The following MBNL2 variants were observed in gnomAD, a reference collection of about 807,000 sequenced individuals.
MBNL2 encodes muscleblind like splicing regulator 2.
Under a neutral mutation model 41.9 loss-of-function variants are expected in MBNL2, and 17 were observed. The observed-to-expected ratio is 0.41, with a 90% CI of 0.28 to 0.61. MBNL2 has a LOEUF of 0.61. Ranked by LOEUF, MBNL2 falls within the 20% of genes least tolerant of loss-of-function variation. MBNL2 has a pLI of 0.35. For missense variants in MBNL2, 336 were observed against 505.6 expected (o/e 0.66, Z 3.22); for synonymous variants, 195 against 182.9 (o/e 1.07, Z -0.53).
intron 2 of MBNL2, among the ~76,000 whole-genome samples, chr13:97,290,633 G>A (rs1003636896): frequency 4.0e-5 from 6 of 148,728 alleles, no homozygotes; most frequent in African/African-American, 1.0e-4. Context: ...CCGAGATTGC[G>A]CCACTGCAGT....
intron 1 of MBNL2, among the ~76,000 whole-genome samples, chr13:97,255,380 G>A (rs1475786086): frequency 6.6e-6 from 1 of 152,132 alleles, no homozygotes; most frequent in Non-Finnish European, 1.5e-5. Context: ...AAGTTTTTAA[G>A]TAAAATGAAT....
chr13:97,351,429 A>C (rs936304552), intron 5 of MBNL2, among the ~76,000 whole-genome samples: 12 of 152,208 alleles, frequency 7.9e-5, no homozygotes, highest in Non-Finnish European at 1.8e-4. Flanking sequence ...GAAGGTTTGA[A>C]GCTAGTCCTC....
intron 8 of MBNL2, among the ~76,000 whole-genome samples, chr13:97,382,309 AAC>A (rs1410428547): frequency 9.2e-5 from 14 of 152,386 alleles, no homozygotes; most frequent in African/African-American, 3.4e-4. Context: ...TTTTATAAGT[AAC>A]ACAGTGCTAA....
intron 2 of MBNL2, among the ~76,000 whole-genome samples, chr13:97,299,335 C>T (rs1387352023): frequency 6.6e-6 from 1 of 152,086 alleles, no homozygotes; most frequent in African/African-American, 2.4e-5. Flanking sequence ...ACACAAGGTT[C>T]CTGCCATCAG....
chr13:97,257,166 T>G (rs905502047), intron 1 of MBNL2, among the ~76,000 whole-genome samples: 2 of 152,114 alleles, frequency 1.3e-5, no homozygotes, highest in African/African-American at 2.4e-5. Context: ...TTTTTTTTTT[T>G]TTTCTTCCTC....
chr13:97,374,063 ATTTTTTTTTT>A (rs61185219), intron 8 of MBNL2, among the ~76,000 whole-genome samples: 1,578 of 63,168 alleles, frequency 0.025, 49 homozygotes, highest in African/African-American at 0.072. Flanking sequence ...CCTCCTTTGC[ATTTTTTTTTT>A]TTTTTTTTTT....
intron 2 of MBNL2, among the ~76,000 whole-genome samples, chr13:97,318,642 C>T (rs149101326): frequency 2.6e-3 from 392 of 152,268 alleles, no homozygotes; most frequent in African/African-American, 9.2e-3. Flanking sequence ...TTTGTAAATA[C>T]ATTTGACTAG....
At chr13:97,215,443 G>GTTCCTTTTGATGGTAACA in the MBNL2 span, among the ~76,000 whole-genome samples, 6 of 152,160 alleles carry the variant, frequency 3.9e-5, 1 homozygote, top group South Asian at 1.2e-3. Context: ...ATCACACTTT[G>GTTCCTTTTGATGGTAACA]TTCCTTTTGA....
At chr13:97,147,796 A>G in the MBNL2 span, among the ~76,000 whole-genome samples, 1 of 152,312 alleles carries the variant, frequency 6.6e-6, no homozygotes, top group East Asian at 1.9e-4. Flanking sequence ...GAAGAAATTC[A>G]TGGTCTGAAG....
chr13:97,314,666 C>G (rs551073282), intron 2 of MBNL2, among the ~76,000 whole-genome samples: 1 of 152,200 alleles, frequency 6.6e-6, no homozygotes, highest in Non-Finnish European at 1.5e-5. Flanking sequence ...TTGGGAGACT[C>G]TTGCCATGCT....
intron 5 of MBNL2, among the ~76,000 whole-genome samples, chr13:97,347,560 C>T (rs2062001205): frequency 6.6e-6 from 1 of 152,228 alleles, no homozygotes; most frequent in East Asian, 1.9e-4. Context: ...TCTTCTTTCA[C>T]TTATTACAAG....
intron 8 of MBNL2, among the ~76,000 whole-genome samples, chr13:97,380,593 T>A (rs1420881534): frequency 1.3e-5 from 2 of 152,146 alleles, no homozygotes; most frequent in African/African-American, 4.8e-5. Context: ...CCTGCTCTCA[T>A]GGGTCTTACA....
chr13:97,349,107 C>T (rs767813991), intron 5 of MBNL2, among the ~76,000 whole-genome samples: 17 of 152,172 alleles, frequency 1.1e-4, no homozygotes, highest in Non-Finnish European at 5.9e-5. Context: ...CCTTTCCTCT[C>T]GTCCTTCTCA....
intron 2 of MBNL2, among the ~76,000 whole-genome samples, chr13:97,290,224 A>G (rs1361934412): frequency 1.3e-5 from 2 of 152,274 alleles, no homozygotes; most frequent in Non-Finnish European, 2.9e-5. Context: ...AATAATCACA[A>G]TTTCTGAAAA....
chr13:97,340,097 T>C (rs1403055590), intron 3 of MBNL2, among the ~76,000 whole-genome samples: 1 of 152,208 alleles, frequency 6.6e-6, no homozygotes, highest in Non-Finnish European at 1.5e-5. Flanking sequence ...TTGCTTCTCA[T>C]GGATTTGAGA....
chr13:97,319,916 G>A (rs571285948), intron 2 of MBNL2, among the ~76,000 whole-genome samples: 7 of 152,096 alleles, frequency 4.6e-5, no homozygotes, highest in Admixed American at 2.6e-4. Context: ...GAAAATCATC[G>A]TACTTGTTAG....
At chr13:97,351,482 G>C (rs1174502896) in intron 5 of MBNL2, among the ~76,000 whole-genome samples, 1 of 152,158 alleles carries the variant, frequency 6.6e-6, no homozygotes, top group Non-Finnish European at 1.5e-5. Context: ...TCCAATATCT[G>C]GCTTGTCTAC....
intron 1 of MBNL2, among the ~76,000 whole-genome samples, chr13:97,251,020 GGAA>G (rs1390565400): frequency 6.6e-6 from 1 of 151,922 alleles, no homozygotes; most frequent in African/African-American, 2.4e-5. Flanking sequence ...CCACTGCCCA[GGAA>G]GAAGAACTCT....
At chr13:97,287,674 CTGAT>C (rs1215174391) in intron 2 of MBNL2, among the ~76,000 whole-genome samples, 1 of 149,440 alleles carries the variant, frequency 6.7e-6, no homozygotes, top group Non-Finnish European at 1.5e-5. Flanking sequence ...TCTTATTCTT[CTGAT>C]TATTATGTTT....
Sources: allele counts gnomAD v4.1 joint callset (sites outside exome capture counted in the v4.1 genomes callset), GRCh38; gene constraint gnomAD v4.1.1; transcripts MANE v1.5; gene names NCBI Gene and HGNC (gene_info 2026-07-23, HGNC 2026-07-21).